Variants in OVCH2 observed in about 807,000 individuals in gnomAD.
The protein encoded by OVCH2 is ovochymase-2.
OVCH2 carries 88 observed loss-of-function variants against 73.7 expected under a neutral mutation model. The observed-to-expected ratio is 1.19, with a 90% CI of 1.01 to 1.43. The LOEUF (loss-of-function observed/expected upper bound fraction) is 1.43, where lower values mean the gene tolerates loss of function less well. OVCH2 is among the 40% of genes most tolerant of loss of function. The pLI is 0.00. For synonymous variants in OVCH2, 265 were observed against 234.5 expected (o/e 1.13, Z -1.19); for missense variants, 706 against 674.5 (o/e 1.05, Z -0.52).
chr11:7,681,461 T>C, the OVCH2 span, among the ~76,000 whole-genome samples: 1 of 151,812 alleles, frequency 6.6e-6, no homozygotes, highest in East Asian at 1.9e-4. Context: ...AAGGCAAGAG[T>C]CTTGAGACAC....
chr11:7,698,704 A>G, intron 8 of OVCH2, 46 bp downstream of exon 8: 1 of 1,587,954 alleles, frequency 6.3e-7, no homozygotes, highest in Non-Finnish European at 8.6e-7. Flanking sequence ...GAAATGCTAG[A>G]TGTTAATTTG....
intron 11 of OVCH2, 135 bp from the exon 12 acceptor site, chr11:7,695,323 T>C: frequency 8.9e-7 from 1 of 1,125,888 alleles, no homozygotes; most frequent in Non-Finnish European, 1.2e-6. Context: ...AAAGACGTAG[T>C]GCATGATTCT....
At chr11:7,705,228 T>C (rs539167319) in intron 1 of OVCH2, 1 of 152,466 alleles carries the variant, frequency 6.6e-6, no homozygotes, top group South Asian at 2.1e-4. Flanking sequence ...AAGTCTTCCT[T>C]GATTTCCTCA....
At chr11:7,694,704 A>G (rs1175688287) in intron 12 of OVCH2, among the ~76,000 whole-genome samples, 2 of 150,994 alleles carry the variant, frequency 1.3e-5, no homozygotes, top group African/African-American at 2.4e-5. Context: ...TGCAACCTCC[A>G]TCTCCCGGGT....
At chr11:7,697,198 G>A (rs1422214956) in intron 8 of OVCH2, among the ~76,000 whole-genome samples, 5 of 152,008 alleles carry the variant, frequency 3.3e-5, no homozygotes, top group Admixed American at 1.3e-4. Context: ...TGCCACACCC[G>A]GCTAATTTTT....
At position 7,696,725 on chromosome 11, in the gene OVCH2, A is replaced by G. The variant is rs769465076; in HGVS notation, c.1000T>C (p.Tyr334His). 32 of 1,613,600 alleles carry G rather than the reference A, an allele frequency of 2.0e-5. No individual in the cohort carries two copies. The highest frequency in any genetic ancestry group is 2.5e-5 in the Non-Finnish European group (29 of 1,179,820). The stretch of plus-strand genomic sequence containing the variant: ...GTTACTCACTGCTTGCTCTCATAAT[A>G]TAGGTGGAGGCTTTCTGGGAAGTGC... Reference protein sequence around the residue: ...KLHFPESLHLYYESKQRCVWT... With the variant: ...KLHFPESLHLHYESKQRCVWT... Residue 334 changes from tyrosine (Y) to histidine (H), a missense_variant, in exon 9 of 16, where the codon TAT becomes CAT. Physicochemically the swap from Tyr to His is moderately conservative, Grantham distance 83 (BLOSUM62 2). Coordinates refer to ENST00000533663, the MANE Select transcript of OVCH2 (RefSeq NM_198185.7).
At chr11:7,688,054 A>C (rs1856162393), downstream of OVCH2, among the ~76,000 whole-genome samples, 1 of 152,124 alleles carries the variant, frequency 6.6e-6, no homozygotes, top group African/African-American at 2.4e-5. Flanking sequence ...ATTTGGTGGG[A>C]GCGCAAACAT....
intron 13 of OVCH2, 121 bp from the exon 14 acceptor site, chr11:7,691,521 A>G: frequency 1.5e-6 from 2 of 1,307,566 alleles, no homozygotes; most frequent in African/African-American, 1.5e-5. Flanking sequence ...GCTTTTCACA[A>G]TTCATTTTCT....
chr11:7,697,034 A>C, intron 8 of OVCH2: 1 of 489,394 alleles, frequency 2.0e-6, no homozygotes, highest in Non-Finnish European at 3.6e-6. Flanking sequence ...CTCTCTTTTT[A>C]TTTTATTTTA....
chr11:7,702,065 G>A, intron 4 of OVCH2, 92 bp downstream of exon 4: 1 of 1,190,546 alleles, frequency 8.4e-7, no homozygotes, highest in South Asian at 1.4e-5. Flanking sequence ...CAAAGTGCAT[G>A]ACCCAGAACG....
chr11:7,694,552 T>C (rs1241564908), intron 12 of OVCH2, among the ~76,000 whole-genome samples: 1 of 152,168 alleles, frequency 6.6e-6, no homozygotes, highest in African/African-American at 2.4e-5. Context: ...AGCAGTTTAA[T>C]AAATAAGGAA....
intron 7 of OVCH2, chr11:7,699,225 G>A (rs985118612): frequency 6.4e-6 from 1 of 156,556 alleles, no homozygotes; most frequent in African/African-American, 2.4e-5. Flanking sequence ...AAGCCTTTTT[G>A]AGGTTGGAAG....
intron 1 of OVCH2, chr11:7,705,271 C>T (rs912626585): frequency 1.3e-4 from 20 of 152,246 alleles, no homozygotes; most frequent in African/African-American, 4.6e-4. Flanking sequence ...TGTTGTGTAG[C>T]ACGCTTTCTT....
intron 8 of OVCH2, among the ~76,000 whole-genome samples, chr11:7,697,793 A>C (rs112448130): frequency 2.0e-5 from 3 of 152,150 alleles, no homozygotes; most frequent in Admixed American, 6.5e-5. Flanking sequence ...CTAATGAAGA[A>C]TTTCATACGT....
At chr11:7,690,395 A>G (rs928958108) in intron 14 of OVCH2, among the ~76,000 whole-genome samples, 2 of 152,188 alleles carry the variant, frequency 1.3e-5, no homozygotes, top group East Asian at 1.9e-4. Flanking sequence ...GGCCAAGTGT[A>G]TCTTATCTGA....
At chr11:7,706,111 T>G in intron 1 of OVCH2, 196 bp downstream of exon 1, 1 of 526,388 alleles carries the variant, frequency 1.9e-6, no homozygotes, top group Non-Finnish European at 3.3e-6. Context: ...ATTAGTTGCA[T>G]TCTATAAATG....
chr11:7,700,235 G>A (rs527995861), intron 7 of OVCH2, 61 bp downstream of exon 7: 1 of 1,528,072 alleles, frequency 6.5e-7, no homozygotes, highest in South Asian at 1.2e-5. Context: ...GGACTCTGCT[G>A]ATGCTGTCTC....
rs553788816 is a variant in OVCH2, at chr11:7,695,126, G to C, written c.1345C>G (p.Pro449Ala). ...TTAGCCTTGTCACTGTAGTTTTCAG[G>C]ATAGTTTAGACTCTGTATGAGACCT... ...EEGLIQSLNY[P>A]ENYSDKANCD... Residue 449 changes from proline to alanine, a missense_variant, in exon 12 of 16, where the codon CCT becomes GCT. Transcript: ENST00000533663. 4.5e-6 allele frequency: 7 copies of C among 1,554,670 alleles called. No homozygotes were observed. The Admixed American group carries it at 7.8e-5, about 17-fold the overall frequency.
downstream of OVCH2, among the ~76,000 whole-genome samples, chr11:7,687,978 C>T (rs1856161304): frequency 6.6e-6 from 1 of 152,068 alleles, no homozygotes; most frequent in South Asian, 2.1e-4. Context: ...ACCCTCAGAA[C>T]CTAATTATCT....
Sources: gnomAD v4.1 joint callset for allele counts (sites outside exome capture counted in the v4.1 genomes callset) on GRCh38, gnomAD v4.1.1 for gene constraint, MANE v1.5 for transcripts, NCBI Gene and HGNC (gene_info 2026-07-23, HGNC 2026-07-21) for gene names.